INTS2: variants seen among roughly 807,000 people sequenced by gnomAD.
INTS2 encodes KIAA1287.
In INTS2, 57 loss-of-function variants were observed where a neutral mutation model predicts 139.6. That is an observed-to-expected ratio of 0.41 (90% confidence interval 0.33 to 0.51). The LOEUF is 0.51. INTS2 is among the 20% of genes least tolerant of loss of function. The pLI is 0.28. For synonymous variants in INTS2, 473 were observed against 493.4 expected (o/e 0.96, Z 0.55); for missense variants, 1,196 against 1,436.7 (o/e 0.83, Z 2.71).
At chr17:61,923,477 C>CAAAAAAAAAAAAAAAAAAAAAAAAAAA (rs933124889) in intron 3 of INTS2, among the ~76,000 whole-genome samples, 1 of 30,680 alleles carries the variant, frequency 3.3e-5, no homozygotes, top group Non-Finnish European at 6.0e-5. Flanking sequence ...ACTCTGTCTC[C>CAAAAAAAAAAAAAAAAAAAAAAAAAAA]AAAAAAAAAA....
intron 15 of INTS2, among the ~76,000 whole-genome samples, chr17:61,888,944 G>A (rs1392050971): frequency 6.6e-6 from 1 of 151,914 alleles, no homozygotes; most frequent in Admixed American, 6.6e-5. Context: ...AGAATGGCAT[G>A]AACTCAGGAA....
intron 5 of INTS2, among the ~76,000 whole-genome samples, chr17:61,914,294 G>A (rs999777784): frequency 1.3e-5 from 2 of 152,154 alleles, no homozygotes; most frequent in African/African-American, 2.4e-5. Flanking sequence ...ATTTTGTCAC[G>A]CCTGTAAATC....
chr17:61,925,321 C>T (rs761549277), intron 2 of INTS2, among the ~76,000 whole-genome samples: 18 of 152,066 alleles, frequency 1.2e-4, no homozygotes, highest in Non-Finnish European at 2.1e-4. Flanking sequence ...TGGCTCACGC[C>T]GGTAATCCCA....
Position 61,869,874 on chromosome 17 carries a change from T to C in INTS2, c.2893A>G (p.Ser965Gly). 6.2e-7 allele frequency: 1 copy of C among 1,613,968 alleles called. No individual in the cohort carries two copies. The highest frequency in any genetic ancestry group is 8.5e-7 in the Non-Finnish European group (1 of 1,179,834). The change falls in exon 21 of 25, where the codon AGC becomes GGC. Residue 965 changes from serine (S) to glycine (G), a missense_variant. Around this residue, in one of 3 missense-constraint regions of INTS2, gnomAD observed 1,129 missense variants for 1,341.9 expected, o/e 0.84. Transcript: ENST00000251334. This position sits in a 1 kb window ranked among gnomAD's most constrained non-coding sequence, Gnocchi z 5.4. ...LRNVQSVITTSAPNKGMEEGE... is the reference protein window; with the variant it reads ...LRNVQSVITTGAPNKGMEEGE... ...TCCTCCATTCCCTTATTTGGAGCGC[T>C]GGTGGTAATAACACTTTGAACATTT...
At chr17:61,898,010 C>A (rs2079366531) in intron 9 of INTS2, among the ~76,000 whole-genome samples, 1 of 152,070 alleles carries the variant, frequency 6.6e-6, no homozygotes, top group Admixed American at 6.6e-5. Flanking sequence ...GAGTAAGATT[C>A]TTCACATTCC....
intron 14 of INTS2, among the ~76,000 whole-genome samples, chr17:61,890,792 A>T (rs2079283672): frequency 6.6e-6 from 1 of 151,026 alleles, no homozygotes; most frequent in East Asian, 2.0e-4. Flanking sequence ...GGCCAGGCGC[A>T]GTGGCTCACA....
In INTS2 at chr17:61,925,882, C is replaced by G. The variant is rs185059588; in HGVS notation, c.293+470G>C. Among the ~76,000 whole-genome samples the G allele has an allele frequency of 6.8e-4, 104 of 151,990 alleles. No homozygotes were observed. In the East Asian group the frequency reaches 0.02, roughly 29 times the overall value. ...TCTACTAAAAATACAAAAAATTAGC[C>G]GGGCATGGTGGCAGGTGCCTGTAAT... is the stretch of plus-strand genomic sequence containing the variant. On this transcript the variant is annotated intron_variant, in intron 2 of 24. Coordinates refer to ENST00000251334, the MANE Select transcript of INTS2 (RefSeq NM_001351695.2).
rs762039012 is a variant in INTS2, at chr17:61,869,234, G to C, written c.3138+39C>G. ...TTTGTATAACTAGTAAGACTGGAGA[G>C]AGAGATCAATTGTCCTAAAGCTCCA... is the stretch of plus-strand genomic sequence containing the variant. On this transcript the variant is annotated intron_variant, in intron 22 of 24. Coordinates refer to ENST00000251334, the MANE Select transcript of INTS2 (RefSeq NM_001351695.2). This position sits in a 1 kb window ranked among gnomAD's most constrained non-coding sequence, Gnocchi z 5.4. 6.1e-6 allele frequency: 9 copies of C among 1,475,590 alleles called. No individual in the cohort carries two copies. The East Asian group carries it at 2.1e-4, about 34-fold the overall frequency. 91.4% of individuals were successfully genotyped at this position (1,475,590 alleles called of 1,614,324 possible).
Position 61,869,349 on chromosome 17 carries a change from A to T in INTS2, c.3062T>A (p.Val1021Asp). Reference sequence around the variant, plus strand: ...GATGTGCATAGATGGAATACCTGCGACCGTCAGAGGCAAAAGTTCACATGG... The same window carrying T: ...GATGTGCATAGATGGAATACCTGCGTCCGTCAGAGGCAAAAGTTCACATGG... ...GYPCELLPLT[V>D]AGIPSMHICL... is the part of the protein sequence containing the mutation. The change falls in exon 22 of 25, where the codon GTC becomes GAC. Residue 1021 changes from valine to aspartate, a missense_variant. By Grantham distance (152) the Val-to-Asp change is radical. Coordinates refer to ENST00000251334, the MANE Select transcript of INTS2 (RefSeq NM_001351695.2). This position sits in a 1 kb window ranked among gnomAD's most constrained non-coding sequence, Gnocchi z 5.4. 1 of 1,606,512 alleles carries T rather than the reference A, an allele frequency of 6.2e-7. No individual in the cohort carries two copies. Among genetic ancestry groups the T allele is most frequent in the Non-Finnish European group, 8.5e-7 (1 of 1,176,048 alleles).
At chr17:61,903,132 A>ACT (rs1251997482) in intron 9 of INTS2, among the ~76,000 whole-genome samples, 1 of 143,930 alleles carries the variant, frequency 6.9e-6, no homozygotes, top group Non-Finnish European at 1.5e-5. Context: ...GCACCACTGC[A>ACT]CTCCAGCCTG....
At chr17:61,904,919 TA>T (rs1281406515) in intron 8 of INTS2, among the ~76,000 whole-genome samples, 2 of 151,836 alleles carry the variant, frequency 1.3e-5, no homozygotes, top group Non-Finnish European at 1.5e-5. Flanking sequence ...GTCAAAACAT[TA>T]AAAACTCTGT....
At chr17:61,914,515 C>A (rs138090932) in intron 5 of INTS2, among the ~76,000 whole-genome samples, 1 of 151,992 alleles carries the variant, frequency 6.6e-6, no homozygotes. Flanking sequence ...CTGGCTAACA[C>A]GGTGAAACCG....
intron 3 of INTS2, among the ~76,000 whole-genome samples, chr17:61,922,511 CAT>C (rs60100593): frequency 0.021 from 1,532 of 73,082 alleles, 51 homozygotes; most frequent in African/African-American, 0.06. Flanking sequence ...AACAAACAAA[CAT>C]ATATATATAT....
chr17:61,892,639 AAC>A (rs1443030317), intron 13 of INTS2, among the ~76,000 whole-genome samples: 1 of 151,958 alleles, frequency 6.6e-6, no homozygotes, highest in Admixed American at 6.5e-5. Context: ...TCTACAAAAA[AAC>A]ACTTTTTAAA....
intron 11 of INTS2, among the ~76,000 whole-genome samples, chr17:61,895,735 AATATATGT>A (rs2079341024): frequency 6.6e-6 from 1 of 152,132 alleles, no homozygotes; most frequent in Admixed American, 6.6e-5. Context: ...TACACACACA[AATATATGT>A]ATATATGTAT....
Position 61,921,807 on chromosome 17 carries a change from T to A in INTS2, c.453A>T (p.Glu151Asp), listed in dbSNP as rs767036187. 6.3e-7 allele frequency: 1 copy of A among 1,596,258 alleles called. No homozygotes were observed. The highest frequency in any genetic ancestry group is 8.5e-7 in the Non-Finnish European group (1 of 1,169,690). The change falls in exon 4 of 25, where the codon GAA (glutamate) becomes GAT (aspartate). Residue 151 changes from glutamate (E) to aspartate (D), a missense_variant. Transcript: ENST00000251334. ...AAAGTTCAGAAGACTTGAAAAAAAA[T>A]TCTCCGTTGGACTCAGACACCTTAA... ...IMNKVSESNG[E>D]FFFKSSELFE...
At position 61,872,520 on chromosome 17, in the gene INTS2, C is replaced by A; in HGVS notation, c.2583-60G>T. ...GAAAGAATATAAATTTATAAATTAG[C>A]CAGAACATGATCAATTTAGTTTAAA... On this transcript the variant is annotated intron_variant, in intron 19 of 24. Transcript: ENST00000251334. This position sits in a 1 kb window ranked among gnomAD's most constrained non-coding sequence, Gnocchi z 4.8. 8.8e-7 allele frequency: 1 copy of A among 1,138,208 alleles called. No individual in the cohort carries two copies. 70.5% of individuals were successfully genotyped at this position (1,138,208 alleles called of 1,614,324 possible).
At chr17:61,892,589 C>T (rs2079306017) in intron 13 of INTS2, among the ~76,000 whole-genome samples, 1 of 151,850 alleles carries the variant, frequency 6.6e-6, no homozygotes, top group Non-Finnish European at 1.5e-5. Context: ...ACCAGGAGTT[C>T]AAGACCAGAC....
intron 7 of INTS2, among the ~76,000 whole-genome samples, chr17:61,908,178 G>A (rs556419047): frequency 5.4e-4 from 82 of 152,304 alleles, no homozygotes; most frequent in African/African-American, 1.9e-3. Flanking sequence ...ACTTTGGGAG[G>A]CCAAGGCGGA....
Sources: gnomAD v4.1 joint callset for allele counts (sites outside exome capture counted in the v4.1 genomes callset) on GRCh38, gnomAD v4.1.1 for gene constraint, gnomAD v4.1.1 regional missense constraint, Gnocchi (gnomAD v3.1) non-coding constraint, MANE v1.5 for transcripts, NCBI Gene and HGNC (gene_info 2026-07-23, HGNC 2026-07-21) for gene names.